The following NXPH2 variants were observed in gnomAD, a reference collection of about 807,000 sequenced individuals.
NXPH2 encodes the protein neurexophilin-2.
Under a neutral mutation model 19.8 loss-of-function variants are expected in NXPH2, and 5 were observed. The observed-to-expected ratio is 0.25, with a 90% confidence interval of 0.13 to 0.53. The LOEUF (loss-of-function observed/expected upper bound fraction) is 0.53, where lower values mean the gene tolerates loss of function less well. NXPH2 is among the 20% of genes least tolerant of loss of function. The pLI is 0.96. For synonymous variants in NXPH2, 154 were observed against 127.4 expected (o/e 1.21, Z -1.41); for missense variants, 289 against 322.8 (o/e 0.90, Z 0.80).
At chr2:138,702,057 T>C (rs528913935) in intron 1 of NXPH2, among the ~76,000 whole-genome samples, 13 of 152,224 alleles carry the variant, frequency 8.5e-5, no homozygotes, top group African/African-American at 2.6e-4. Context: ...CCAGAGACTG[T>C]TTCTTTTTAT....
At chr2:138,694,070 G>A (rs927299793) in intron 1 of NXPH2, among the ~76,000 whole-genome samples, 1 of 152,202 alleles carries the variant, frequency 6.6e-6, no homozygotes, top group East Asian at 1.9e-4. Context: ...ATAATTATAT[G>A]ATCGAAGACT....
At chr2:138,713,638 G>T (rs1681141761) in intron 1 of NXPH2, among the ~76,000 whole-genome samples, 1 of 151,880 alleles carries the variant, frequency 6.6e-6, no homozygotes, top group Non-Finnish European at 1.5e-5. Context: ...TTGCAAATTG[G>T]TGTGCAAAAT....
At chr2:138,711,145 C>CTTTTTTTTTTTTTTTTTTTTTTT (rs397766605) in intron 1 of NXPH2, among the ~76,000 whole-genome samples, 6 of 91,090 alleles carry the variant, frequency 6.6e-5, no homozygotes, top group East Asian at 4.0e-4. Context: ...ATTTCTATCA[C>CTTTTTTTTTTTTTTTTTTTTTTT]TTTTTTTTTT....
intron 1 of NXPH2, among the ~76,000 whole-genome samples, chr2:138,764,599 C>A (rs1682064537): frequency 6.6e-6 from 1 of 152,058 alleles, no homozygotes; most frequent in Non-Finnish European, 1.5e-5. Context: ...CAAATATTTT[C>A]AAAAAATGTT....
At chr2:138,687,672 G>T (rs1680682326) in intron 1 of NXPH2, among the ~76,000 whole-genome samples, 1 of 152,150 alleles carries the variant, frequency 6.6e-6, no homozygotes, top group Non-Finnish European at 1.5e-5. Flanking sequence ...ATGGCTTTAG[G>T]TCTAACATTT....
intron 1 of NXPH2, among the ~76,000 whole-genome samples, chr2:138,675,439 A>G (rs552777476): frequency 5.9e-5 from 9 of 152,286 alleles, no homozygotes; most frequent in African/African-American, 2.2e-4. Context: ...TACATGATAG[A>G]CACTGATACC....
rs369707149 is a variant in NXPH2 at position 138,754,958 on chromosome 2, A to G, written c.51+25233T>C. 3.3e-5 allele frequency among the ~76,000 whole-genome samples: 5 copies of G among 152,132 alleles called. No homozygotes were observed. The East Asian group carries it at 5.8e-4, about 18-fold the overall frequency. ...TAGTTGTTTAAATGTTCAATCATGA[A>G]TGACAAATGATGTTAAGCATCTTTA... is the stretch of plus-strand genomic sequence containing the variant. On this transcript the variant is annotated intron_variant, in intron 1 of 1. Transcript: ENST00000272641.
chr2:138,778,818 A>C (rs1221064561), intron 1 of NXPH2, among the ~76,000 whole-genome samples: 1 of 152,196 alleles, frequency 6.6e-6, no homozygotes, highest in Non-Finnish European at 1.5e-5. Context: ...TTTAACATGG[A>C]GTATTGTAGA....
At chr2:138,750,631 T>C (rs929571140) in intron 1 of NXPH2, among the ~76,000 whole-genome samples, 1 of 152,134 alleles carries the variant, frequency 6.6e-6, no homozygotes, top group African/African-American at 2.4e-5. Flanking sequence ...GACACAAAGG[T>C]GAATAAGACC....
intron 1 of NXPH2, among the ~76,000 whole-genome samples, chr2:138,775,031 C>A (rs995101592): frequency 1.3e-5 from 2 of 152,046 alleles, no homozygotes; most frequent in Admixed American, 6.6e-5. Flanking sequence ...TTTCTCTTAC[C>A]ATTTAAGAAA....
rs148921699 is a variant in NXPH2 at position 138,674,489 on chromosome 2, T to C, written c.52-2824A>G. Among the ~76,000 whole-genome samples, 584 of 152,296 alleles carry C rather than the reference T, an allele frequency of 3.8e-3. 3 individuals carry two copies. Among genetic ancestry groups the C allele is most frequent in the Non-Finnish European group, 5.1e-3 (345 of 68,020 alleles). On this transcript the variant is annotated intron_variant, in intron 1 of 1. Coordinates refer to ENST00000272641, the MANE Select transcript of NXPH2 (RefSeq NM_007226.3). Reference sequence around the variant, plus strand: ...TTTATACAGATGAGGTCTTGTTATGTTGCCCAGGCTGGTCTTGAACTCCAG... The same window carrying C: ...TTTATACAGATGAGGTCTTGTTATGCTGCCCAGGCTGGTCTTGAACTCCAG...
chr2:138,701,389 G>T (rs1377845159), intron 1 of NXPH2, among the ~76,000 whole-genome samples: 1 of 152,118 alleles, frequency 6.6e-6, no homozygotes, highest in Middle Eastern at 3.2e-3. Flanking sequence ...TTTTAGAAAA[G>T]AAATAGGAAT....
intron 1 of NXPH2, among the ~76,000 whole-genome samples, chr2:138,727,105 T>C (rs1681371602): frequency 6.6e-6 from 1 of 152,210 alleles, no homozygotes; most frequent in Non-Finnish European, 1.5e-5. Context: ...TTTTCATAAC[T>C]TGATGGTTCA....
chr2:138,729,969 G>A (rs139905301), intron 1 of NXPH2, among the ~76,000 whole-genome samples: 84 of 152,268 alleles, frequency 5.5e-4, no homozygotes, highest in African/African-American at 1.9e-3. Flanking sequence ...CAGTCCTGGA[G>A]GTTAAAAGTC....
At chr2:138,732,896 A>G (rs1334044119) in intron 1 of NXPH2, among the ~76,000 whole-genome samples, 4 of 152,224 alleles carry the variant, frequency 2.6e-5, no homozygotes, top group African/African-American at 9.6e-5. Context: ...TTCTAGATTA[A>G]AAGAAAAAAT....
chr2:138,761,271 C>T (rs904533565), intron 1 of NXPH2, among the ~76,000 whole-genome samples: 2 of 152,136 alleles, frequency 1.3e-5, no homozygotes, highest in Non-Finnish European at 2.9e-5. Flanking sequence ...ATTGCTAACC[C>T]CTACATCAAA....
intron 1 of NXPH2, among the ~76,000 whole-genome samples, chr2:138,765,426 T>G (rs1269545848): frequency 6.6e-6 from 1 of 152,238 alleles, no homozygotes; most frequent in Non-Finnish European, 1.5e-5. Flanking sequence ...ACGTTTCTAT[T>G]ACCATGTTTA....
chr2:138,778,635 A>AC (rs776981389), intron 1 of NXPH2, among the ~76,000 whole-genome samples: 2 of 152,304 alleles, frequency 1.3e-5, no homozygotes, highest in South Asian at 4.1e-4. Flanking sequence ...TATTCTGAAG[A>AC]CCCCACATAA....
At chr2:138,687,228 T>C (rs1680672565) in intron 1 of NXPH2, among the ~76,000 whole-genome samples, 1 of 152,208 alleles carries the variant, frequency 6.6e-6, no homozygotes, top group Non-Finnish European at 1.5e-5. Flanking sequence ...TTTCCTGACT[T>C]TTTAATGTTT....
Sources: allele counts gnomAD v4.1 joint callset (sites outside exome capture counted in the v4.1 genomes callset), GRCh38; gene constraint gnomAD v4.1.1; transcripts MANE v1.5; gene names NCBI Gene and HGNC (gene_info 2026-07-23, HGNC 2026-07-21).